MGAT4C: variants seen among roughly 807,000 people sequenced by gnomAD.
The protein encoded by MGAT4C is alpha-1,3-mannosyl-glycoprotein 4-beta-N-acetylglucosaminyltransferase C.
Under a neutral mutation model 40.1 loss-of-function variants are expected in MGAT4C, and 19 were observed. That is an observed-to-expected ratio of 0.47 (90% CI 0.33 to 0.70). MGAT4C has a LOEUF of 0.70. MGAT4C is among the 30% of genes least tolerant of loss of function. The probability of loss-of-function intolerance (pLI) is 0.02; values close to 1 mark genes in which losing one functional copy is unlikely to be tolerated. For missense variants in MGAT4C, 491 were observed against 563.2 expected (o/e 0.87, Z 1.30); for synonymous variants, 181 against 187.1 (o/e 0.97, Z 0.27).
chr12:86,454,902 T>C (rs1957486471), intron 2 of MGAT4C, among the ~76,000 whole-genome samples: 1 of 152,160 alleles, frequency 6.6e-6, no homozygotes, highest in Non-Finnish European at 1.5e-5. Flanking sequence ...TCTCTTAACA[T>C]TATTTTGTCT....
At position 86,031,280 on chromosome 12, in the gene MGAT4C, A is replaced by G. The variant is rs201849297; in HGVS notation, c.-7+18394T>C. Among the ~76,000 whole-genome samples, 11 of 151,916 alleles carry G rather than the reference A, an allele frequency of 7.2e-5. No homozygotes were observed. In the East Asian group the frequency reaches 2.1e-3, roughly 29 times the overall value. On this transcript the variant is annotated intron_variant, in intron 2 of 4. Coordinates refer to ENST00000611864, the MANE Select transcript of MGAT4C (RefSeq NM_001351288.2). ...TCCCACATTTAATTTTCAGGGTCACAGTGGGATAAACCAAGTGAAACGATG... is the reference window on the plus strand; with the variant it reads ...TCCCACATTTAATTTTCAGGGTCACGGTGGGATAAACCAAGTGAAACGATG...
intron 3 of MGAT4C, among the ~76,000 whole-genome samples, chr12:86,413,235 T>C (rs575979130): frequency 6.6e-6 from 1 of 152,184 alleles, no homozygotes; most frequent in Admixed American, 6.6e-5. Context: ...GAAAAATTAA[T>C]GTGGGAAGTA....
chr12:86,598,022 AGT>A (rs760017832), intron 2 of MGAT4C, among the ~76,000 whole-genome samples: 2 of 152,168 alleles, frequency 1.3e-5, no homozygotes, highest in Non-Finnish European at 2.9e-5. Flanking sequence ...GTCTTATACA[AGT>A]GTACCATTTT....
chr12:86,408,479 C>CTCTCTATATATATATA (rs1267344319), intron 3 of MGAT4C, among the ~76,000 whole-genome samples: 4 of 63,344 alleles, frequency 6.3e-5, no homozygotes, highest in African/African-American at 2.3e-4. Context: ...CTCTCTCTCT[C>CTCTCTATATATATATA]TATATATATA....
intron 2 of MGAT4C, among the ~76,000 whole-genome samples, chr12:86,471,352 G>A (rs116421042): frequency 2.1e-3 from 319 of 152,000 alleles, no homozygotes; most frequent in African/African-American, 7.3e-3. Context: ...GCCACTAGGG[G>A]ATAGTAAAAT....
intron 2 of MGAT4C, among the ~76,000 whole-genome samples, chr12:86,543,252 T>C (rs1012577653): frequency 6.6e-6 from 1 of 151,482 alleles, no homozygotes; most frequent in African/African-American, 2.4e-5. Flanking sequence ...ATTAATCATA[T>C]GGCAATTTTT....
intron 1 of MGAT4C, among the ~76,000 whole-genome samples, chr12:86,766,464 C>T (rs1951510369): frequency 6.6e-6 from 1 of 152,100 alleles, no homozygotes; most frequent in Non-Finnish European, 1.5e-5. Flanking sequence ...ATCAACGAGA[C>T]AGAAAGTTAA....
chr12:86,723,136 C>G (rs1249618682), intron 2 of MGAT4C, among the ~76,000 whole-genome samples: 2 of 152,156 alleles, frequency 1.3e-5, no homozygotes, highest in Non-Finnish European at 2.9e-5. Flanking sequence ...TTGTCTCTTA[C>G]TACTCTGAAT....
intron 2 of MGAT4C, among the ~76,000 whole-genome samples, chr12:86,463,329 T>C (rs2136297365): frequency 6.6e-6 from 1 of 152,290 alleles, no homozygotes; most frequent in South Asian, 2.1e-4. Flanking sequence ...TGGGATCTTA[T>C]CTTGCATGTA....
At chr12:86,523,183 G>C (rs2136362108) in intron 2 of MGAT4C, among the ~76,000 whole-genome samples, 1 of 152,054 alleles carries the variant, frequency 6.6e-6, no homozygotes, top group Non-Finnish European at 1.5e-5. Context: ...TGTGATGTTA[G>C]GTTGCTAAAT....
chr12:86,726,344 G>T (rs1388965797), intron 2 of MGAT4C, among the ~76,000 whole-genome samples: 1 of 152,146 alleles, frequency 6.6e-6, no homozygotes, highest in Non-Finnish European at 1.5e-5. Flanking sequence ...CAGGTGACAG[G>T]TCTGATAGAG....
chr12:86,791,545 C>T (rs1195732639), intron 1 of MGAT4C, among the ~76,000 whole-genome samples: 1 of 151,156 alleles, frequency 6.6e-6, no homozygotes, highest in African/African-American at 2.4e-5. Flanking sequence ...AGCTTTATTT[C>T]CTTTGCATAT....
At chr12:86,278,393 G>A (rs1425955034) in intron 4 of MGAT4C, among the ~76,000 whole-genome samples, 2 of 151,886 alleles carry the variant, frequency 1.3e-5, no homozygotes, top group Non-Finnish European at 2.9e-5. Flanking sequence ...TGGGCAGGCT[G>A]GTCTTGAACT....
At chr12:86,495,894 C>G (rs746126013) in intron 2 of MGAT4C, among the ~76,000 whole-genome samples, 7 of 151,984 alleles carry the variant, frequency 4.6e-5, no homozygotes, top group Non-Finnish European at 1.0e-4. Flanking sequence ...TTTCTAACCC[C>G]TCCCTAATTA....
At chr12:86,487,852 A>G (rs1241891957) in intron 2 of MGAT4C, among the ~76,000 whole-genome samples, 2 of 149,394 alleles carry the variant, frequency 1.3e-5, no homozygotes, top group Admixed American at 1.3e-4. Context: ...TTTTTACATA[A>G]ATAAACATTG....
chr12:86,620,600 TG>T (rs1319761300), intron 2 of MGAT4C, among the ~76,000 whole-genome samples: 1 of 152,054 alleles, frequency 6.6e-6, no homozygotes, highest in Non-Finnish European at 1.5e-5. Context: ...AATTACCTAT[TG>T]GGTACAATAT....
intron 2 of MGAT4C, among the ~76,000 whole-genome samples, chr12:86,610,269 C>A (rs1962200694): frequency 6.6e-6 from 1 of 152,108 alleles, no homozygotes; most frequent in Non-Finnish European, 1.5e-5. Flanking sequence ...CTGAAGAGTT[C>A]TTGAACTCCC....
chr12:86,125,905 A>AT (rs535367420), intron 1 of MGAT4C, among the ~76,000 whole-genome samples: 7 of 151,784 alleles, frequency 4.6e-5, no homozygotes, highest in African/African-American at 1.2e-4. Context: ...GGAAATCAGA[A>AT]TTTTTTTTCA....
chr12:86,250,226 C>A (rs907126538), intron 1 of MGAT4C, among the ~76,000 whole-genome samples: 5 of 151,852 alleles, frequency 3.3e-5, no homozygotes, highest in South Asian at 2.1e-4. Context: ...TTAAACATTA[C>A]ATTTTTTATC....
Sources: allele counts gnomAD v4.1 joint callset (sites outside exome capture counted in the v4.1 genomes callset), GRCh38; gene constraint gnomAD v4.1.1; transcripts MANE v1.5; gene names NCBI Gene and HGNC (gene_info 2026-07-23, HGNC 2026-07-21).